The following GALNT10 variants were observed in gnomAD, a reference collection of about 807,000 sequenced individuals.
GALNT10 encodes the protein polypeptide N-acetylgalactosaminyltransferase 10.
Under a neutral mutation model 75.0 loss-of-function variants are expected in GALNT10, and 41 were observed. The ratio of observed to expected loss-of-function variants is 0.55; its 90% CI spans 0.43 to 0.71. The LOEUF is 0.71. Ranked by LOEUF, GALNT10 falls within the 30% of genes least tolerant of loss-of-function variation. GALNT10 has a pLI of 0.00. For synonymous variants in GALNT10, 302 were observed against 313.0 expected, an observed-to-expected ratio of 0.96 and a Z score of 0.37; for missense variants, 727 against 818.5, an observed-to-expected ratio of 0.89 and a Z score of 1.36.
intron 4 of GALNT10, among the ~76,000 whole-genome samples, chr5:154,353,021 C>T (rs1362804832): frequency 6.6e-6 from 1 of 152,168 alleles, no homozygotes; most frequent in Non-Finnish European, 1.5e-5. Flanking sequence ...TGATAACTGC[C>T]CACTCCCCAA....
At chr5:154,310,625 C>T (rs1754502959) in intron 3 of GALNT10, among the ~76,000 whole-genome samples, 1 of 151,896 alleles carries the variant, frequency 6.6e-6, no homozygotes. Context: ...ATACCACCCA[C>T]CACACCTGGC....
In GALNT10 at chr5:154,398,492, G is replaced by A. The variant is rs529834802; in HGVS notation, c.1057-5612G>A. 5.9e-4 allele frequency among the ~76,000 whole-genome samples: 90 copies of A among 152,274 alleles called. 1 individual carries two copies. The highest frequency in any genetic ancestry group is 2.2e-3 in the Admixed American group (33 of 15,296). On this transcript the variant is annotated intron_variant, in intron 7 of 11. Coordinates refer to ENST00000297107, the MANE Select transcript of GALNT10 (RefSeq NM_198321.4). ...GCTCTTGGGTGGCCAGGCCCCAAAT[G>A]GTATACAGGGACCCTGCCCCACCCC...
chr5:154,329,501 C>G, intron 3 of GALNT10, 71 bp from the exon 4 acceptor site: 2 of 1,284,924 alleles, frequency 1.6e-6, no homozygotes, highest in Admixed American at 1.7e-5. Context: ...TTAGCCAAAC[C>G]CTGTGCCTGA....
intron 1 of GALNT10, among the ~76,000 whole-genome samples, chr5:154,223,911 C>G (rs1020916123): frequency 2.2e-5 from 3 of 138,870 alleles, no homozygotes; most frequent in Non-Finnish European, 3.2e-5. Context: ...CAGAGCAAGA[C>G]CCTGTCTCAA....
chr5:154,322,299 T>C (rs750630890), intron 3 of GALNT10, among the ~76,000 whole-genome samples: 2 of 152,172 alleles, frequency 1.3e-5, no homozygotes, highest in Non-Finnish European at 2.9e-5. Flanking sequence ...GCTGCCCATC[T>C]TCCTGGGCTC....
chr5:154,315,689 G>A (rs1257248679), intron 3 of GALNT10, among the ~76,000 whole-genome samples: 2 of 152,220 alleles, frequency 1.3e-5, no homozygotes, highest in African/African-American at 4.8e-5. Context: ...CTAAACAACT[G>A]TGGCCAGGTA....
chr5:154,394,997 TG>T (rs1258128225), intron 7 of GALNT10, among the ~76,000 whole-genome samples: 1 of 152,238 alleles, frequency 6.6e-6, no homozygotes, highest in Admixed American at 6.5e-5. Flanking sequence ...TGAAATTCCA[TG>T]AGTGTCCCTG....
At chr5:154,206,440 A>G (rs1775111508) in intron 1 of GALNT10, among the ~76,000 whole-genome samples, 1 of 152,114 alleles carries the variant, frequency 6.6e-6, no homozygotes, top group Non-Finnish European at 1.5e-5. Flanking sequence ...GAGAGCTCCT[A>G]GTCTAAAAAG....
chr5:154,293,709 A>G (rs940231632), intron 1 of GALNT10, among the ~76,000 whole-genome samples: 1 of 151,426 alleles, frequency 6.6e-6, no homozygotes. Context: ...CCTCAAGACC[A>G]TACAGATGTC....
chr5:154,203,086 T>G (rs1436874974), intron 1 of GALNT10, among the ~76,000 whole-genome samples: 1 of 152,212 alleles, frequency 6.6e-6, no homozygotes, highest in African/African-American at 2.4e-5. Flanking sequence ...TTGCTTTCTT[T>G]TGTTCTCTGT....
In GALNT10 at chr5:154,242,784, T is replaced by C. The variant is rs79915447; in HGVS notation, c.159+51759T>C. Among the ~76,000 whole-genome samples the C allele has an allele frequency of 3.0e-3, 459 of 152,312 alleles. 4 individuals are homozygous for C. The highest frequency in any genetic ancestry group is 0.011 in the African/African-American group (445 of 41,568). On this transcript the variant is annotated intron_variant, in intron 1 of 11. Coordinates refer to ENST00000297107, the MANE Select transcript of GALNT10 (RefSeq NM_198321.4). ...TACCCTCAACCCAGACTCCCAGATA[T>C]AACCCATGCATTTTAAAAAGCCCTT...
At chr5:154,364,902 A>G (rs1388252806) in intron 4 of GALNT10, among the ~76,000 whole-genome samples, 1 of 152,092 alleles carries the variant, frequency 6.6e-6, no homozygotes, top group Non-Finnish European at 1.5e-5. Context: ...TTCTCTTCTT[A>G]TTTGTAGCTG....
chr5:154,309,589 T>A (rs922436690), intron 3 of GALNT10, among the ~76,000 whole-genome samples: 6 of 152,006 alleles, frequency 3.9e-5, no homozygotes, highest in African/African-American at 1.5e-4. Flanking sequence ...CTGGACATAC[T>A]TGGAAGGTGG....
At chr5:154,309,641 A>G (rs1013240259) in intron 3 of GALNT10, among the ~76,000 whole-genome samples, 5 of 152,186 alleles carry the variant, frequency 3.3e-5, no homozygotes, top group Non-Finnish European at 7.3e-5. Flanking sequence ...TGTGGATATG[A>G]GAATAAGAGA....
At chr5:154,361,688 C>A (rs1321858916) in intron 4 of GALNT10, among the ~76,000 whole-genome samples, 3 of 152,164 alleles carry the variant, frequency 2.0e-5, no homozygotes, top group Admixed American at 6.5e-5. Flanking sequence ...CTTAACAGAC[C>A]ATAGGTATTA....
At chr5:154,386,621 G>GGGGGGCTGGC in intron 7 of GALNT10, 191 bp downstream of exon 7, 1 of 387,274 alleles carries the variant, frequency 2.6e-6, no homozygotes, top group East Asian at 6.2e-5. Flanking sequence ...GTGTGGGAGG[G>GGGGGGCTGGC]AAGGGGAGTA....
intron 7 of GALNT10, chr5:154,393,070 A>AC (rs1554101650): frequency 6.8e-6 from 1 of 147,018 alleles, no homozygotes; most frequent in Non-Finnish European, 1.5e-5. Context: ...AAAAAAAAAA[A>AC]AAAAAAAACC....
chr5:154,412,934 G>C lies in GALNT10; in HGVS notation c.1432G>C (p.Ala478Pro). Residue 478 changes from alanine (A) to proline (P), a missense_variant, in exon 10 of 12, where the codon GCC becomes CCC. Coordinates refer to ENST00000297107, the MANE Select transcript of GALNT10 (RefSeq NM_198321.4). This position sits in a 1 kb window ranked among gnomAD's most constrained non-coding sequence, Gnocchi z 4.2. ...GCTGTGTGCAGACACAAAGCACGGG[G>C]CCTTGGGCTCCCCACTAAGGCTAGA... The part of the protein sequence containing the change: ...TGLCADTKHG[A>P]LGSPLRLEGC... 1 of 1,613,834 alleles carries C rather than the reference G, an allele frequency of 6.2e-7. No individual in the cohort carries two copies. Among genetic ancestry groups the C allele is most frequent in the Non-Finnish European group, 8.5e-7 (1 of 1,179,862 alleles).
intron 4 of GALNT10, among the ~76,000 whole-genome samples, chr5:154,353,789 C>T (rs1755247504): frequency 6.6e-6 from 1 of 152,208 alleles, no homozygotes; most frequent in African/African-American, 2.4e-5. Context: ...CTGGACCAAA[C>T]TCAAGAGTCC....
Sources: allele counts gnomAD v4.1 joint callset (sites outside exome capture counted in the v4.1 genomes callset), GRCh38; gene constraint gnomAD v4.1.1; non-coding constraint Gnocchi (gnomAD v3.1); transcripts MANE v1.5; gene names NCBI Gene and HGNC (gene_info 2026-07-23, HGNC 2026-07-21).